Variants in FAAH observed in about 807,000 individuals in gnomAD.
FAAH encodes fatty-acid amide hydrolase 1.
FAAH carries 63 observed loss-of-function variants against 69.7 expected under a neutral mutation model. The observed-to-expected ratio is 0.90, with a 90% CI of 0.74 to 1.12. FAAH has a LOEUF of 1.12. Among genes scored for constraint, FAAH ranks in the 50% most tolerant of loss-of-function variants. The probability of loss-of-function intolerance (pLI) is 0.00; values close to 1 mark genes in which losing one functional copy is unlikely to be tolerated. For missense variants in FAAH, 680 were observed against 755.0 expected, an observed-to-expected ratio of 0.90 and a Z score of 1.16; for synonymous variants, 305 against 324.2, an observed-to-expected ratio of 0.94 and a Z score of 0.64.
intron 1 of FAAH, among the ~76,000 whole-genome samples, chr1:46,396,660 C>G (rs6703374): frequency 0.22 from 34,132 of 152,140 alleles, 4,305 homozygotes; most frequent in Non-Finnish European, 0.29. Context: ...TCCTGCACAG[C>G]CCTAATTAAA....
Position 46,402,694 on chromosome 1 carries a change from A to T in FAAH, c.309+490A>T, listed in dbSNP as rs558624997. 1.3e-3 allele frequency among the ~76,000 whole-genome samples: 177 copies of T among 134,194 alleles called. 1 individual carries two copies. The highest frequency in any genetic ancestry group is 1.1e-3 in the African/African-American group (41 of 35,868). The allele number at this position is 134,194 out of a possible 152,430, so 88.0% of individuals were successfully genotyped here. ...CACCCGGCTAATGAAAAGAAAAAAAATTTTTTTTTTTTTTTTGAGATGGAG... is the reference window on the plus strand; with the variant it reads ...CACCCGGCTAATGAAAAGAAAAAAATTTTTTTTTTTTTTTTTGAGATGGAG... On this transcript the variant is annotated intron_variant, in intron 2 of 14. Transcript: ENST00000243167.
rs779129529 is a variant in FAAH at position 46,411,684 on chromosome 1, G to A, written c.1356+33G>A. The A allele has an allele frequency of 6.2e-7, 1 of 1,612,896 alleles. No individual in the cohort carries two copies. The highest frequency in any genetic ancestry group is 1.7e-5 in the Admixed American group (1 of 59,966). ...CAGAGCCTCTGGATTGGAGCAGGGT[G>A]GTGGGGGGAGGGTGGAGTTGGACAG... On this transcript the variant is annotated intron_variant, in intron 12 of 14. Coordinates refer to ENST00000243167, the MANE Select transcript of FAAH (RefSeq NM_001441.3). The surrounding 1 kb of genome is among the most constrained non-coding windows in gnomAD (Gnocchi z 4.8).
chr1:46,412,128 T>G lies in FAAH; in HGVS notation c.1357-15T>G. The G allele has an allele frequency of 6.4e-7, 1 of 1,550,584 alleles. No homozygotes were observed. Among genetic ancestry groups the G allele is most frequent in the South Asian group, 1.2e-5 (1 of 84,064 alleles). ...GGTCTGAGTGCTTTCACCTGGTGTG[T>G]TGTGTCCTCCGCAGGTGTACCGCAA... On this transcript the variant is annotated splice_polypyrimidine_tract_variant and intron_variant, in intron 12 of 14. Transcript: ENST00000243167.
intron 1 of FAAH, among the ~76,000 whole-genome samples, chr1:46,399,541 T>C (rs1664659733): frequency 6.6e-6 from 1 of 152,196 alleles, no homozygotes; most frequent in African/African-American, 2.4e-5. Flanking sequence ...TGCTAGCTGC[T>C]AGCTGCCGTG....
At chr1:46,408,814 G>T (rs1017010109) in intron 8 of FAAH, among the ~76,000 whole-genome samples, 2 of 152,192 alleles carry the variant, frequency 1.3e-5, no homozygotes, top group Admixed American at 6.5e-5. Flanking sequence ...ACTGCATGTG[G>T]GGAGGCTCTT....
chr1:46,411,494 T>G lies in FAAH; in HGVS notation c.1317-118T>G. On this transcript the variant is annotated intron_variant, in intron 11 of 14. Transcript: ENST00000243167. The surrounding 1 kb of genome is among the most constrained non-coding windows in gnomAD (Gnocchi z 4.8). ...TTGAACTTCCCTCTCAGAGCTCCCATGGGGTTGTGAAGGGTCCACGGAGGG... is the reference window on the plus strand; with the variant it reads ...TTGAACTTCCCTCTCAGAGCTCCCAGGGGGTTGTGAAGGGTCCACGGAGGG... The G allele has an allele frequency of 1.8e-6, 2 of 1,081,128 alleles. No homozygotes were observed. The highest frequency in any genetic ancestry group is 2.8e-6 in the Non-Finnish European group (2 of 715,298). The allele number at this position is 1,081,128 out of a possible 1,614,324, so 67.0% of individuals were successfully genotyped here.
Position 46,394,508 on chromosome 1 carries a change from A to G in FAAH, c.160A>G (p.Asn54Asp), listed in dbSNP as rs1664561504. 7.2e-7 allele frequency: 1 copy of G among 1,392,060 alleles called. No homozygotes were observed. The highest frequency in any genetic ancestry group is 9.3e-7 in the Non-Finnish European group (1 of 1,079,440). 86.2% of individuals were successfully genotyped at this position (1,392,060 alleles called of 1,614,324 possible). A position where few individuals can be genotyped will look rare whatever the true frequency, so the allele number is the denominator to read the frequency against. ...ACAGAGGCAGCGAGCGGGCCTGGAG[A>G]ACATGGACAGGGCGGCGCAGCGCTT... ...ARQRQRAGLENMDRAAQRFRL... is the reference protein window; with the variant it reads ...ARQRQRAGLEDMDRAAQRFRL... The change falls in exon 1 of 15, where the codon AAC becomes GAC. Residue 54 changes from asparagine (N) to aspartate (D), a missense_variant. Physicochemically the swap from Asn to Asp is conservative, Grantham distance 23. Coordinates refer to ENST00000243167, the MANE Select transcript of FAAH (RefSeq NM_001441.3).
In FAAH at chr1:46,410,901, C is replaced by A; in HGVS notation, c.1316+47C>A. ...GCTGCCGGCCCCTGCCTGTCCTGAT[C>A]CGAGTCTGGGTCTGGGTAGTTTCTG... On this transcript the variant is annotated intron_variant, in intron 11 of 14. Coordinates refer to ENST00000243167, the MANE Select transcript of FAAH (RefSeq NM_001441.3). The surrounding 1 kb of genome is among the most constrained non-coding windows in gnomAD (Gnocchi z 4.9). The A allele has an allele frequency of 6.2e-7, 1 of 1,611,422 alleles. No individual in the cohort carries two copies. Among genetic ancestry groups the A allele is most frequent in the Non-Finnish European group, 8.5e-7 (1 of 1,177,542 alleles).
chr1:46,410,960 G>A lies in FAAH; in HGVS notation c.1316+106G>A. On this transcript the variant is annotated intron_variant, in intron 11 of 14. Coordinates refer to ENST00000243167, the MANE Select transcript of FAAH (RefSeq NM_001441.3). The surrounding 1 kb of genome is among the most constrained non-coding windows in gnomAD (Gnocchi z 4.9). ...GGACTTGAGGGAAGTAGCCTCTGAG[G>A]CTGGAAGTGGCCCAGGCAGGGGGGC... 7.0e-7 allele frequency: 1 copy of A among 1,430,244 alleles called. No homozygotes were observed. Among genetic ancestry groups the A allele is most frequent in the Middle Eastern group, 1.8e-4 (1 of 5,704 alleles). The allele number at this position is 1,430,244 out of a possible 1,614,324, so 88.6% of individuals were successfully genotyped here.
rs549332217 is a variant in FAAH at position 46,398,539 on chromosome 1, C to CT, written c.196-3540dup. Among the ~76,000 whole-genome samples, 438 of 144,836 alleles carry CT rather than the reference C, an allele frequency of 3.0e-3. 4 individuals carry two copies. Among genetic ancestry groups the CT allele is most frequent in the African/African-American group, 9.4e-3 (371 of 39,646 alleles). On this transcript the variant is annotated intron_variant, in intron 1 of 14. Transcript: ENST00000243167. ...ACAAAGCGATTTGGCAACCAAGATT[C>CT]TTTTTTTTTTTTGAGTCAGAGTCTT... is the stretch of plus-strand genomic sequence containing the variant.
Position 46,403,455 on chromosome 1 carries a change from G to A in FAAH, c.309+1251G>A, listed in dbSNP as rs182438836. Reference sequence around the variant, plus strand: ...CCATCCCCTTTGGCCACCCTGGCCCGCCACCACCATCTCCCGCCATGCCCA... The same window carrying A: ...CCATCCCCTTTGGCCACCCTGGCCCACCACCACCATCTCCCGCCATGCCCA... On this transcript the variant is annotated intron_variant, in intron 2 of 14. Coordinates refer to ENST00000243167, the MANE Select transcript of FAAH (RefSeq NM_001441.3). Among the ~76,000 whole-genome samples, 265 of 152,234 alleles carry A rather than the reference G, an allele frequency of 1.7e-3. 2 individuals are homozygous for A. Among genetic ancestry groups the A allele is most frequent in the African/African-American group, 5.6e-3 (231 of 41,548 alleles).
intron 13 of FAAH, among the ~76,000 whole-genome samples, 169 bp from the exon 14 acceptor site, chr1:46,412,906 G>T (rs931726456): frequency 6.6e-6 from 1 of 152,148 alleles, no homozygotes; most frequent in African/African-American, 2.4e-5. Flanking sequence ...TGTCCAGCCC[G>T]GCCCTGAAAT....
In FAAH at chr1:46,413,274, G is replaced by T. The variant is rs1315266555; in HGVS notation, c.1611+54G>T. 6 of 1,613,152 alleles carry T rather than the reference G, an allele frequency of 3.7e-6. No individual in the cohort carries two copies. In the Admixed American group the frequency reaches 5.0e-5, roughly 13 times the overall value. On this transcript the variant is annotated intron_variant, in intron 14 of 14. Transcript: ENST00000243167. The stretch of plus-strand genomic sequence containing the variant: ...CTCACTCCCCACCCTGACTCTGGCC[G>T]CTGTGGAGGAAACAGTACCAGCACT...
chr1:46,410,337 G>A lies in FAAH; in HGVS notation c.1176-61G>A, dbSNP rs914231493. ...AGAGAATGGGATTGCTGTGGGCCGG[G>A]CGAGCAAGCTGGGAAGGATGTGGGG... On this transcript the variant is annotated intron_variant, in intron 9 of 14. Coordinates refer to ENST00000243167, the MANE Select transcript of FAAH (RefSeq NM_001441.3). This position sits in a 1 kb window ranked among gnomAD's most constrained non-coding sequence, Gnocchi z 4.9. The A allele has an allele frequency of 3.6e-6, 5 of 1,381,658 alleles. No homozygotes were observed. The highest frequency in any genetic ancestry group is 5.2e-6 in the Non-Finnish European group (5 of 968,202). 85.6% of individuals were successfully genotyped at this position (1,381,658 alleles called of 1,614,324 possible).
chr1:46,399,966 A>G (rs1346958374), intron 1 of FAAH, among the ~76,000 whole-genome samples: 3 of 152,124 alleles, frequency 2.0e-5, no homozygotes, highest in Non-Finnish European at 4.4e-5. Flanking sequence ...TTCATTTTGT[A>G]TACCTTTAAA....
Position 46,405,926 on chromosome 1 carries a change from C to A in FAAH, c.786-112C>A. On this transcript the variant is annotated intron_variant, in intron 5 of 14. Coordinates refer to ENST00000243167, the MANE Select transcript of FAAH (RefSeq NM_001441.3). This position sits in a 1 kb window ranked among gnomAD's most constrained non-coding sequence, Gnocchi z 4.1. ...GAGGAAGCATTACAGTACCACTGGC[C>A]GGGCGTGGGTCCTAGTTTCCAAAGC... 6.2e-7 allele frequency: 1 copy of A among 1,611,622 alleles called. No individual in the cohort carries two copies. The highest frequency in any genetic ancestry group is 8.5e-7 in the Non-Finnish European group (1 of 1,179,636).
Position 46,405,549 on chromosome 1 carries a change from C to T in FAAH, c.579-39C>T, listed in dbSNP as rs1339425151. ...GCGGGGCGGGGCAGGGGCACCGGTC[C>T]CAGCATGGCACGGGCTGACCCATTC... On this transcript the variant is annotated intron_variant, in intron 4 of 14. Coordinates refer to ENST00000243167, the MANE Select transcript of FAAH (RefSeq NM_001441.3). The surrounding 1 kb of genome is among the most constrained non-coding windows in gnomAD (Gnocchi z 4.1). 6.2e-7 allele frequency: 1 copy of T among 1,613,072 alleles called. No homozygotes were observed. The highest frequency in any genetic ancestry group is 8.5e-7 in the Non-Finnish European group (1 of 1,180,042).
Position 46,405,769 on chromosome 1 carries a change from C to G in FAAH, c.760C>G (p.Leu254Val). The G allele has an allele frequency of 6.2e-7, 1 of 1,613,510 alleles. No homozygotes were observed. Among genetic ancestry groups the G allele is most frequent in the East Asian group, 2.2e-5 (1 of 44,884 alleles). The change falls in exon 5 of 15, where the codon CTC (leucine) becomes GTC (valine). Residue 254 changes from leucine to valine, a missense_variant. Leu to Val is a conservative substitution (Grantham distance 32, BLOSUM62 1). Coordinates refer to ENST00000243167, the MANE Select transcript of FAAH (RefSeq NM_001441.3). This position sits in a 1 kb window ranked among gnomAD's most constrained non-coding sequence, Gnocchi z 4.1. Reference sequence around the variant, plus strand: ...CTCCTCCTTCTGCGGCATCTGCGGCCTCAAGCCCACAGGGAACCGCCTCAG... The same window carrying G: ...CTCCTCCTTCTGCGGCATCTGCGGCGTCAAGCCCACAGGGAACCGCCTCAG... ...FPSSFCGICG[L>V]KPTGNRLSKS...
In FAAH at chr1:46,410,989, C is replaced by A. The variant is rs1230851011; in HGVS notation, c.1316+135C>A. 10 of 1,024,652 alleles carry A rather than the reference C, an allele frequency of 9.8e-6. No homozygotes were observed. The highest frequency in any genetic ancestry group is 4.2e-4 in the Middle Eastern group (2 of 4,738). 63.5% of individuals were successfully genotyped at this position (1,024,652 alleles called of 1,614,324 possible). A position where few individuals can be genotyped will look rare whatever the true frequency, so the allele number is the denominator to read the frequency against. On this transcript the variant is annotated intron_variant, in intron 11 of 14. Transcript: ENST00000243167. The surrounding 1 kb of genome is among the most constrained non-coding windows in gnomAD (Gnocchi z 4.9). The stretch of plus-strand genomic sequence containing the variant: ...GAAGTGGCCCAGGCAGGGGGGCAAC[C>A]TTTGTGGCCTTCAGATGGGACTTTG...
Sources: allele counts gnomAD v4.1 joint callset (sites outside exome capture counted in the v4.1 genomes callset), GRCh38; gene constraint gnomAD v4.1.1; non-coding constraint Gnocchi (gnomAD v3.1); transcripts MANE v1.5; gene names NCBI Gene and HGNC (gene_info 2026-07-23, HGNC 2026-07-21).